Variants in LRTM2 observed in about 807,000 individuals in gnomAD.
LRTM2 encodes the protein leucine-rich repeat and transmembrane domain-containing protein 2.
In LRTM2, 18 loss-of-function variants were observed where a neutral mutation model predicts 28.1. That is an observed-to-expected ratio of 0.64 (90% CI 0.44 to 0.95). LRTM2 has a LOEUF of 0.95. LRTM2 is among the 40% of genes least tolerant of loss of function. LRTM2 has a pLI of 0.00. For synonymous variants in LRTM2, 250 were observed against 218.7 expected (o/e 1.14, Z -1.26); for missense variants, 436 against 497.2 (o/e 0.88, Z 1.17).
At chr12:1,826,401 C>CA (rs1491459894) in intron 1 of LRTM2, among the ~76,000 whole-genome samples, 4 of 13,798 alleles carry the variant, frequency 2.9e-4, no homozygotes, top group East Asian at 5.6e-3. Flanking sequence ...GAACCCAGAG[C>CA]CCCCCCCCCC....
chr12:1,828,243 G>A lies in LRTM2; in HGVS notation c.67+28G>A. On this transcript the variant is annotated intron_variant, in intron 3 of 4. Transcript: ENST00000299194. This position sits in a 1 kb window ranked among gnomAD's most constrained non-coding sequence, Gnocchi z 4.2. ...GAGTACACCCCTGGCCTCGGAGGGGGGTGCGGGTTGGGTGGGGGTGCCGAG... is the reference window on the plus strand; with the variant it reads ...GAGTACACCCCTGGCCTCGGAGGGGAGTGCGGGTTGGGTGGGGGTGCCGAG... 3.3e-6 allele frequency: 5 copies of A among 1,527,574 alleles called. No homozygotes were observed. Among genetic ancestry groups the A allele is most frequent in the South Asian group, 1.2e-5 (1 of 81,218 alleles). The allele number at this position is 1,527,574 out of a possible 1,614,324, so 94.6% of individuals were successfully genotyped here.
rs73593731 is a variant in LRTM2 at position 1,822,327 on chromosome 12, G to A, written c.-259+1513G>A. Among the ~76,000 whole-genome samples, 1,261 of 152,250 alleles carry A rather than the reference G, an allele frequency of 8.3e-3. 14 individuals carry two copies. The highest frequency in any genetic ancestry group is 0.028 in the African/African-American group (1,161 of 41,540). On this transcript the variant is annotated intron_variant, in intron 1 of 4. Transcript: ENST00000299194. ...AGGAGGGGATGGCATGTATGTGATGGTTGGGGGTGTCTGGGAGTTCTGGGG... is the reference window on the plus strand; with the variant it reads ...AGGAGGGGATGGCATGTATGTGATGATTGGGGGTGTCTGGGAGTTCTGGGG...
intron 2 of LRTM2, 187 bp from the exon 3 acceptor site, chr12:1,827,888 GC>G (rs200356957): frequency 2.5e-6 from 1 of 396,338 alleles, no homozygotes; most frequent in Non-Finnish European, 4.5e-6. Flanking sequence ...GCCGAAGCCT[GC>G]CCCGCCCCCA....
chr12:1,831,822 T>C (rs796839556), intron 4 of LRTM2, among the ~76,000 whole-genome samples: 2 of 134,902 alleles, frequency 1.5e-5, no homozygotes, highest in South Asian at 5.2e-4. Flanking sequence ...CTCACTGAAC[T>C]GGATCTCCCT....
chr12:1,834,976 G>A lies in LRTM2; in HGVS notation c.*255G>A, dbSNP rs568050967. ...TGGAACATGTGGGGGATCTCCCTAA[G>A]CTCTGGCCACAGCAAAGCAAGGAGG... On this transcript the variant is annotated 3_prime_UTR_variant, in exon 5 of 5. Transcript: ENST00000299194. This position sits in a 1 kb window ranked among gnomAD's most constrained non-coding sequence, Gnocchi z 7.6. The A allele has an allele frequency of 2.4e-4, 148 of 605,480 alleles. No homozygotes were observed. Among genetic ancestry groups the A allele is most frequent in the Non-Finnish European group, 3.6e-4 (132 of 371,706 alleles). 37.5% of individuals were successfully genotyped at this position (605,480 alleles called of 1,614,324 possible).
In LRTM2 at chr12:1,830,924, C is replaced by G. The variant is rs766703296; in HGVS notation, c.68-11C>G. The G allele has an allele frequency of 6.3e-7, 1 of 1,585,654 alleles. No individual in the cohort carries two copies. Among genetic ancestry groups the G allele is most frequent in the East Asian group, 2.3e-5 (1 of 44,326 alleles). On this transcript the variant is annotated splice_polypyrimidine_tract_variant and intron_variant, in intron 3 of 4. Coordinates refer to ENST00000299194, the MANE Select transcript of LRTM2 (RefSeq NM_001039029.3). ...ATTGCTTTCTTTCCCCCGTCTGTCCCTCCCACCAAGGGATCACCTGCTGGA... is the reference window on the plus strand; with the variant it reads ...ATTGCTTTCTTTCCCCCGTCTGTCCGTCCCACCAAGGGATCACCTGCTGGA...
intron 1 of LRTM2, among the ~76,000 whole-genome samples, chr12:1,826,577 G>A (rs1864337820): frequency 6.6e-6 from 1 of 152,332 alleles, no homozygotes; most frequent in Admixed American, 6.5e-5. Context: ...CCACATCTGT[G>A]CCCAGTCTTG....
intron 1 of LRTM2, among the ~76,000 whole-genome samples, chr12:1,825,770 C>A (rs1425141088): frequency 6.6e-6 from 1 of 152,216 alleles, no homozygotes; most frequent in African/African-American, 2.4e-5. Context: ...CCTGAAAGGG[C>A]CACTGCTGGG....
chr12:1,831,165 T>A lies in LRTM2; in HGVS notation c.298T>A (p.Ser100Thr). The A allele has an allele frequency of 6.2e-7, 1 of 1,613,962 alleles. No individual in the cohort carries two copies. Among genetic ancestry groups the A allele is most frequent in the Non-Finnish European group, 8.5e-7 (1 of 1,180,012 alleles). Residue 100 changes from serine to threonine, a missense_variant, in exon 4 of 5, where the codon TCC (serine) becomes ACC (threonine). Coordinates refer to ENST00000299194, the MANE Select transcript of LRTM2 (RefSeq NM_001039029.3). ...CTCCAGCCTGCAGCGGTTGGACCTGTCCAACAACTTCCTGGACCGGCTGCC... is the reference window on the plus strand; with the variant it reads ...CTCCAGCCTGCAGCGGTTGGACCTGACCAACAACTTCCTGGACCGGCTGCC... Reference protein sequence around the residue: ...NLSSLQRLDLSNNFLDRLPRS... With the variant: ...NLSSLQRLDLTNNFLDRLPRS...
chr12:1,831,221 G>T lies in LRTM2; in HGVS notation c.354G>T (p.Leu118=), dbSNP rs1278258682. 1 of 1,613,852 alleles carries T rather than the reference G, an allele frequency of 6.2e-7. No individual in the cohort carries two copies. Among genetic ancestry groups the T allele is most frequent in the South Asian group, 1.1e-5 (1 of 91,076 alleles). ...PRSIFGDLTN[L]TELQLRNNSI... The stretch of plus-strand genomic sequence containing the variant: ...CCATTTTCGGGGACCTGACGAATCT[G>T]ACTGAGCTTCAGCTGCGCAATAACA... Residue 118 remains leucine (L), a synonymous_variant, in exon 4 of 5, where the codon CTG becomes CTT. Transcript: ENST00000299194.
rs2154447303 is a variant in LRTM2 at position 1,834,123 on chromosome 12, T to C, written c.659-144T>C. On this transcript the variant is annotated intron_variant, in intron 4 of 4. Transcript: ENST00000299194. The surrounding 1 kb of genome is among the most constrained non-coding windows in gnomAD (Gnocchi z 7.6). ...GCTGTTTTCCCTCCTCCGCTTCCTCTTCTATAGATGGTGATTCCAGGATTG... is the reference window on the plus strand; with the variant it reads ...GCTGTTTTCCCTCCTCCGCTTCCTCCTCTATAGATGGTGATTCCAGGATTG... 2.1e-6 allele frequency: 2 copies of C among 959,466 alleles called. No individual in the cohort carries two copies. The highest frequency in any genetic ancestry group is 2.0e-5 in the South Asian group (1 of 50,474). The allele number at this position is 959,466 out of a possible 1,614,324, so 59.4% of individuals were successfully genotyped here.
Position 1,831,169 on chromosome 12 carries a change from A to G in LRTM2, c.302A>G (p.Asn101Ser). The change falls in exon 4 of 5, where the codon AAC (asparagine) becomes AGC (serine). Residue 101 changes from asparagine (N) to serine (S), a missense_variant. Transcript: ENST00000299194. ...AGCCTGCAGCGGTTGGACCTGTCCA[A>G]CAACTTCCTGGACCGGCTGCCCCGC... ...LSSLQRLDLS[N>S]NFLDRLPRSI... is the part of the protein sequence containing the mutation. 1 of 1,613,978 alleles carries G rather than the reference A, an allele frequency of 6.2e-7. No individual in the cohort carries two copies. Among genetic ancestry groups the G allele is most frequent in the Non-Finnish European group, 8.5e-7 (1 of 1,180,022 alleles).
intron 1 of LRTM2, among the ~76,000 whole-genome samples, chr12:1,821,205 C>A (rs1025134566): frequency 2.0e-5 from 3 of 152,162 alleles, no homozygotes; most frequent in Non-Finnish European, 4.4e-5. Context: ...ACTCGGGGGT[C>A]ATGGGAAGCG....
At chr12:1,824,557 C>T (rs1320901497) in intron 1 of LRTM2, among the ~76,000 whole-genome samples, 1 of 152,222 alleles carries the variant, frequency 6.6e-6, no homozygotes, top group Non-Finnish European at 1.5e-5. Context: ...GGGTTAGGAG[C>T]AGGCCCAGCA....
Position 1,828,336 on chromosome 12 carries a change from T to C in LRTM2, c.67+121T>C. ...GCTGCAGGGAGGCCTACGCCAGATC[T>C]TCCTGGGGTACCCGAGGCTATGTTC... is the stretch of plus-strand genomic sequence containing the variant. On this transcript the variant is annotated intron_variant, in intron 3 of 4. Transcript: ENST00000299194. This position sits in a 1 kb window ranked among gnomAD's most constrained non-coding sequence, Gnocchi z 4.2. 1.2e-6 allele frequency: 1 copy of C among 868,670 alleles called. No individual in the cohort carries two copies. Among genetic ancestry groups the C allele is most frequent in the Non-Finnish European group, 1.7e-6 (1 of 597,882 alleles). 53.8% of individuals were successfully genotyped at this position (868,670 alleles called of 1,614,324 possible). A position where few individuals can be genotyped will look rare whatever the true frequency, so the allele number is the denominator to read the frequency against.
At chr12:1,823,593 C>T (rs1864198426) in intron 1 of LRTM2, among the ~76,000 whole-genome samples, 1 of 151,802 alleles carries the variant, frequency 6.6e-6, no homozygotes, top group Non-Finnish European at 1.5e-5. Flanking sequence ...CAGAACAGAG[C>T]TCCGGCCTAC....
chr12:1,826,644 G>C, intron 1 of LRTM2, among the ~76,000 whole-genome samples: 1 of 152,232 alleles, frequency 6.6e-6, no homozygotes, highest in East Asian at 1.9e-4. Context: ...TCGCTGCGTG[G>C]GGGAAGGGGA....
rs1413440071 is a variant in LRTM2, at chr12:1,835,905, G to A, written c.*1184G>A. The A allele has an allele frequency of 6.6e-6, 1 of 152,470 alleles. No homozygotes were observed. The highest frequency in any genetic ancestry group is 1.5e-5 in the Non-Finnish European group (1 of 68,196). 9.4% of individuals were successfully genotyped at this position (152,470 alleles called of 1,614,324 possible). ...TCCATCTTCAGTACTCCTGGCCTGT[G>A]ACTTCAGGGCTGGGACTTGGTGGTG... On this transcript the variant is annotated 3_prime_UTR_variant, in exon 5 of 5. Coordinates refer to ENST00000299194, the MANE Select transcript of LRTM2 (RefSeq NM_001039029.3).
chr12:1,834,913 G>A lies in LRTM2; in HGVS notation c.*192G>A. ...GCTCCCTGAAAGCCACCGTGCTGGG[G>A]GCTCCTGCTGATGCTCCTGTCTGGG... On this transcript the variant is annotated 3_prime_UTR_variant, in exon 5 of 5. Coordinates refer to ENST00000299194, the MANE Select transcript of LRTM2 (RefSeq NM_001039029.3). This position sits in a 1 kb window ranked among gnomAD's most constrained non-coding sequence, Gnocchi z 7.6. The A allele has an allele frequency of 2.3e-5, 24 of 1,065,368 alleles. No homozygotes were observed. The South Asian group carries it at 3.7e-4, about 16-fold the overall frequency. The allele number at this position is 1,065,368 out of a possible 1,614,324, so 66.0% of individuals were successfully genotyped here.
Sources: gnomAD v4.1 joint callset for allele counts (sites outside exome capture counted in the v4.1 genomes callset) on GRCh38, gnomAD v4.1.1 for gene constraint, Gnocchi (gnomAD v3.1) non-coding constraint, MANE v1.5 for transcripts, NCBI Gene and HGNC (gene_info 2026-07-23, HGNC 2026-07-21) for gene names.